The following JAK1 variants were observed in gnomAD, a reference collection of about 807,000 sequenced individuals.
The protein encoded by JAK1 is Janus kinase 1.
Under a neutral mutation model 136.6 loss-of-function variants are expected in JAK1, and 16 were observed. The observed-to-expected ratio is 0.12, with a 90% CI of 0.08 to 0.18. The LOEUF (loss-of-function observed/expected upper bound fraction) is 0.18, where lower values mean the gene tolerates loss of function less well. Among genes scored for constraint, JAK1 ranks in the 10% least tolerant of loss-of-function variants. The pLI is 1.00. For synonymous variants in JAK1, 492 were observed against 519.5 expected, an observed-to-expected ratio of 0.95 and a Z score of 0.72; for missense variants, 859 against 1,450.1, an observed-to-expected ratio of 0.59 and a Z score of 6.62.
intron 1 of JAK1, among the ~76,000 whole-genome samples, chr1:64,913,690 A>AGGAAGGAAGGAAGGAG (rs1238423565): frequency 3.1e-5 from 1 of 32,344 alleles, no homozygotes; most frequent in African/African-American, 8.5e-5. Context: ...GAAGGAAGGA[A>AGGAAGGAAGGAAGGAG]GGAAGGAAGG....
chr1:64,885,200 CT>C (rs1460554297), intron 2 of JAK1, among the ~76,000 whole-genome samples: 1 of 152,148 alleles, frequency 6.6e-6, no homozygotes, highest in East Asian at 1.9e-4. Context: ...CATAATTAAC[CT>C]TGAAATTCAG....
intron 1 of JAK1, among the ~76,000 whole-genome samples, chr1:64,907,493 T>G (rs372526013): frequency 6.6e-6 from 1 of 152,196 alleles, no homozygotes; most frequent in Admixed American, 6.6e-5. Flanking sequence ...AAATAAGATA[T>G]GTTTGGACAC....
intron 2 of JAK1, chr1:64,972,174 C>T (rs1430208051): frequency 6.6e-6 from 1 of 152,200 alleles, no homozygotes; most frequent in East Asian, 1.9e-4. Context: ...TACTCTTCCA[C>T]ATGCACATTG....
intron 2 of JAK1, among the ~76,000 whole-genome samples, chr1:65,006,952 C>CTAG (rs1646808754): frequency 6.6e-6 from 1 of 152,144 alleles, no homozygotes; most frequent in African/African-American, 2.4e-5. Context: ...ATCTTATCTA[C>CTAG]AGTTCCTGTT....
intron 1 of JAK1, among the ~76,000 whole-genome samples, chr1:64,900,293 T>C (rs1225005433): frequency 6.6e-6 from 1 of 152,222 alleles, no homozygotes; most frequent in Non-Finnish European, 1.5e-5. Context: ...CATTCTAGCA[T>C]GGAATTATTC....
At chr1:64,998,912 A>G (rs767000993) in intron 2 of JAK1, among the ~76,000 whole-genome samples, 2 of 152,236 alleles carry the variant, frequency 1.3e-5, no homozygotes, top group African/African-American at 4.8e-5. Flanking sequence ...TTTATCAGCC[A>G]CGTGAAAATG....
Position 65,054,461 on chromosome 1 carries a change from C to T in JAK1, c.-180-9879G>A, listed in dbSNP as rs190705995. On this transcript the variant is annotated intron_variant, in intron 1 of 25. Transcript: ENST00000671954. ...AGGGAAAGGTCTGGGATTGGTGAAT[C>T]CTCAAGTAATTTGAAACACTAAACA... is the stretch of plus-strand genomic sequence containing the variant. 6.2e-3 allele frequency among the ~76,000 whole-genome samples: 937 copies of T among 151,568 alleles called. 10 individuals carry two copies. The highest frequency in any genetic ancestry group is 0.011 in the Admixed American group (166 of 15,222).
chr1:65,067,555 C>CCCCGCGCGCCCCGCCG (rs1553186887), intron 1 of JAK1: 2 of 145,720 alleles, frequency 1.4e-5, no homozygotes, highest in Admixed American at 6.8e-5. Flanking sequence ...GGGCGCTCGG[C>CCCCGCGCGCCCCGCCG]CCCGCGCGCC....
intron 2 of JAK1, among the ~76,000 whole-genome samples, chr1:64,976,994 A>C (rs767183984): frequency 6.6e-6 from 1 of 152,190 alleles, no homozygotes; most frequent in East Asian, 1.9e-4. Flanking sequence ...TATCACTTAC[A>C]TACCTGATTG....
chr1:64,848,396 G>T (rs560582098), intron 12 of JAK1, among the ~76,000 whole-genome samples: 2 of 152,322 alleles, frequency 1.3e-5, no homozygotes, highest in East Asian at 3.9e-4. Flanking sequence ...GTGCATGCAC[G>T]CTAGGATTTA....
chr1:64,965,697 C>A (rs1051754026), intron 1 of JAK1, among the ~76,000 whole-genome samples: 9 of 152,128 alleles, frequency 5.9e-5, no homozygotes, highest in Non-Finnish European at 1.0e-4. Context: ...CTGGTCCTCT[C>A]GCCCAGGGTC....
intron 2 of JAK1, chr1:65,004,000 G>C (rs1320667824): frequency 6.6e-6 from 1 of 152,196 alleles, no homozygotes; most frequent in East Asian, 1.9e-4. Context: ...GGAGTGCAGC[G>C]GCGCGATCTC....
intron 10 of JAK1, 147 bp downstream of exon 10, chr1:64,857,509 G>T: frequency 9.2e-7 from 1 of 1,088,240 alleles, no homozygotes; most frequent in East Asian, 2.4e-5. Flanking sequence ...AGGGGCCCTT[G>T]CCTGACCTCC....
At chr1:64,953,540 T>C (rs561106767) in intron 1 of JAK1, among the ~76,000 whole-genome samples, 1 of 152,284 alleles carries the variant, frequency 6.6e-6, no homozygotes, top group South Asian at 2.1e-4. Flanking sequence ...TCGTCTGACT[T>C]AAAATGTCAA....
intron 1 of JAK1, among the ~76,000 whole-genome samples, chr1:64,935,823 G>A (rs1184049171): frequency 6.6e-6 from 1 of 152,206 alleles, no homozygotes; most frequent in African/African-American, 2.4e-5. Flanking sequence ...ACCATATTGA[G>A]TCTTTACAAT....
intron 1 of JAK1, among the ~76,000 whole-genome samples, chr1:64,932,099 T>A (rs1645704975): frequency 6.6e-6 from 1 of 150,424 alleles, no homozygotes; most frequent in African/African-American, 2.4e-5. Context: ...CACTGTGAGG[T>A]AGACATCATG....
intron 1 of JAK1, among the ~76,000 whole-genome samples, chr1:64,913,633 G>GAGGGAGGGAGGGAGGA: frequency 1.2e-5 from 1 of 80,080 alleles, no homozygotes; most frequent in African/African-American, 5.3e-5. Flanking sequence ...GGGAGGGAGG[G>GAGGGAGGGAGGGAGGA]AGGAAGGGAG....
intron 1 of JAK1, among the ~76,000 whole-genome samples, chr1:64,927,326 T>C (rs1446326780): frequency 2.0e-5 from 3 of 152,232 alleles, no homozygotes; most frequent in African/African-American, 7.2e-5. Context: ...TTGTTTTGTG[T>C]CCACATCCTC....
In JAK1 at chr1:64,869,296, A is replaced by C. The variant is rs375511594; in HGVS notation, c.647+15T>G. ...CATCCTCACAATCAATTCTTCAGCC[A>C]GTGGGAAGCTTTACCTGATGTCCTT... On this transcript the variant is annotated intron_variant, in intron 6 of 24. Transcript: ENST00000342505. The C allele has an allele frequency of 2.5e-6, 4 of 1,609,776 alleles. No individual in the cohort carries two copies. In the African/African-American group the frequency reaches 5.3e-5, roughly 22 times the overall value.
Sources: allele counts gnomAD v4.1 joint callset (sites outside exome capture counted in the v4.1 genomes callset), GRCh38; gene constraint gnomAD v4.1.1; transcripts MANE v1.5; gene names NCBI Gene and HGNC (gene_info 2026-07-23, HGNC 2026-07-21).